Variants in SIPA1L2 observed in about 807,000 individuals in gnomAD.
The protein encoded by SIPA1L2 is signal-induced proliferation-associated 1-like protein 2.
SIPA1L2 carries 56 observed loss-of-function variants against 163.9 expected under a neutral mutation model. The ratio of observed to expected loss-of-function variants is 0.34; its 90% confidence interval spans 0.28 to 0.43. The LOEUF (loss-of-function observed/expected upper bound fraction) is 0.43, where lower values mean the gene tolerates loss of function less well. Ranked by LOEUF, SIPA1L2 falls within the 20% of genes least tolerant of loss-of-function variation. The pLI is 1.00. For missense variants in SIPA1L2, 1,974 were observed against 2,193.5 expected, an observed-to-expected ratio of 0.90 and a Z score of 2.00; for synonymous variants, 877 against 865.7, an observed-to-expected ratio of 1.01 and a Z score of -0.23.
intron 10 of SIPA1L2, among the ~76,000 whole-genome samples, chr1:232,452,663 C>T (rs559765724): frequency 6.6e-6 from 1 of 152,276 alleles, no homozygotes; most frequent in East Asian, 1.9e-4. Context: ...GCAGGCTGAC[C>T]GTCAAGACCA....
intron 8 of SIPA1L2, among the ~76,000 whole-genome samples, chr1:232,467,112 G>A (rs1219717416): frequency 2.0e-5 from 3 of 152,140 alleles, no homozygotes; most frequent in Admixed American, 6.5e-5. Context: ...TAGAAAAATC[G>A]CAGGCTAACT....
chr1:232,432,561 A>C, intron 15 of SIPA1L2, 90 bp from the exon 16 acceptor site: 6 of 1,246,626 alleles, frequency 4.8e-6, no homozygotes, highest in Non-Finnish European at 6.8e-6. Context: ...GGCTTTACTC[A>C]AGTCTTTCTC....
At chr1:232,595,481 CG>C (rs1661211120) in intron 1 of SIPA1L2, among the ~76,000 whole-genome samples, 1 of 152,156 alleles carries the variant, frequency 6.6e-6, no homozygotes, top group African/African-American at 2.4e-5. Context: ...ACTGCTGCAC[CG>C]GGCGGCTTCT....
chr1:232,598,635 G>A (rs959182469), intron 1 of SIPA1L2, among the ~76,000 whole-genome samples: 1 of 152,052 alleles, frequency 6.6e-6, no homozygotes, highest in African/African-American at 2.4e-5. Flanking sequence ...GCACATTCAG[G>A]GTCTGGTGAG....
intron 13 of SIPA1L2, 122 bp downstream of exon 13, chr1:232,441,646 A>G: frequency 1.1e-6 from 1 of 881,184 alleles, no homozygotes; most frequent in South Asian, 1.6e-5. Context: ...CCAGCTGATC[A>G]CCTCAACTTG....
At chr1:232,415,179 C>T (rs1192752378) in intron 19 of SIPA1L2, among the ~76,000 whole-genome samples, 1 of 152,200 alleles carries the variant, frequency 6.6e-6, no homozygotes, top group Non-Finnish European at 1.5e-5. Flanking sequence ...ACGCAAGGTG[C>T]TCTCCATACA....
intron 2 of SIPA1L2, among the ~76,000 whole-genome samples, chr1:232,572,610 AC>A: frequency 6.7e-6 from 1 of 150,144 alleles, no homozygotes; most frequent in South Asian, 2.1e-4. Flanking sequence ...GTGGATATCC[AC>A]CCCCTCCTCC....
chr1:232,593,366 C>T (rs531705133), intron 1 of SIPA1L2, among the ~76,000 whole-genome samples: 3 of 152,222 alleles, frequency 2.0e-5, no homozygotes, highest in South Asian at 2.1e-4. Flanking sequence ...CCGCTCAGCA[C>T]GCACGGGCTG....
At chr1:232,614,187 G>GTT (rs1260121718) in intron 1 of SIPA1L2, among the ~76,000 whole-genome samples, 1 of 151,198 alleles carries the variant, frequency 6.6e-6, no homozygotes, top group Admixed American at 6.6e-5. Flanking sequence ...GTGTAACAGC[G>GTT]TAAGAAGAGA....
intron 2 of SIPA1L2, among the ~76,000 whole-genome samples, chr1:232,547,744 G>T (rs972801635): frequency 7.2e-5 from 11 of 152,122 alleles, no homozygotes; most frequent in Admixed American, 1.3e-4. Flanking sequence ...AATTCCTATT[G>T]ATAAGTGATT....
chr1:232,571,963 A>C (rs963277295), intron 2 of SIPA1L2, among the ~76,000 whole-genome samples: 1 of 152,196 alleles, frequency 6.6e-6, no homozygotes, highest in Non-Finnish European at 1.5e-5. Flanking sequence ...AGCAACACAA[A>C]AAGGGGCTAA....
chr1:232,619,786 C>T (rs1370661175), intron 1 of SIPA1L2, among the ~76,000 whole-genome samples: 1 of 152,172 alleles, frequency 6.6e-6, no homozygotes, highest in Admixed American at 6.5e-5. Flanking sequence ...TAGTCACTGC[C>T]CCAGAAAGCT....
At chr1:232,591,641 G>A (rs1660965975) in intron 1 of SIPA1L2, among the ~76,000 whole-genome samples, 1 of 152,228 alleles carries the variant, frequency 6.6e-6, no homozygotes, top group Non-Finnish European at 1.5e-5. Context: ...TGACTGGCAA[G>A]GTTTTCTCTC....
At chr1:232,605,578 C>G (rs1661868694) in intron 1 of SIPA1L2, among the ~76,000 whole-genome samples, 1 of 152,132 alleles carries the variant, frequency 6.6e-6, no homozygotes, top group African/African-American at 2.4e-5. Context: ...CCTGTAATCC[C>G]AGCTACTTGG....
At chr1:232,501,870 T>C (rs1447553125) in intron 3 of SIPA1L2, among the ~76,000 whole-genome samples, 2 of 152,226 alleles carry the variant, frequency 1.3e-5, no homozygotes, top group Admixed American at 1.3e-4. Context: ...TCTCTCAATC[T>C]ACTAGGAGTG....
At chr1:232,538,436 A>G (rs1237953537) in intron 2 of SIPA1L2, among the ~76,000 whole-genome samples, 1 of 152,174 alleles carries the variant, frequency 6.6e-6, no homozygotes, top group Admixed American at 6.5e-5. Flanking sequence ...GTGCCTCCGC[A>G]ATATCTGATC....
chr1:232,557,653 GC>G (rs1363688168), intron 2 of SIPA1L2, among the ~76,000 whole-genome samples: 10 of 152,144 alleles, frequency 6.6e-5, no homozygotes, highest in African/African-American at 2.4e-4. Flanking sequence ...CACAGCTCTT[GC>G]CCTATTCCGT....
intron 2 of SIPA1L2, among the ~76,000 whole-genome samples, chr1:232,555,912 G>A (rs887313655): frequency 6.6e-6 from 1 of 152,202 alleles, no homozygotes; most frequent in Non-Finnish European, 1.5e-5. Flanking sequence ...TGCTTCCCTA[G>A]CAACCTCCAC....
At chr1:232,455,646 C>T (rs537622161) in intron 10 of SIPA1L2, among the ~76,000 whole-genome samples, 3 of 143,530 alleles carry the variant, frequency 2.1e-5, no homozygotes, top group Non-Finnish European at 4.5e-5. Flanking sequence ...TGCAGCGAGC[C>T]GGAGCTTGCA....
Sources: gnomAD v4.1 joint callset for allele counts (sites outside exome capture counted in the v4.1 genomes callset) on GRCh38, gnomAD v4.1.1 for gene constraint, MANE v1.5 for transcripts, NCBI Gene and HGNC (gene_info 2026-07-23, HGNC 2026-07-21) for gene names.